The following CPNE9 variants were observed in gnomAD, a reference collection of about 807,000 sequenced individuals.
The protein encoded by CPNE9 is copine family member 9.
CPNE9 carries 59 observed loss-of-function variants against 83.0 expected under a neutral mutation model. The ratio of observed to expected loss-of-function variants is 0.71; its 90% CI spans 0.58 to 0.88. The LOEUF (loss-of-function observed/expected upper bound fraction) is 0.88, where lower values mean the gene tolerates loss of function less well. Among genes scored for constraint, CPNE9 ranks in the 40% least tolerant of loss-of-function variants. CPNE9 has a pLI of 0.00. For synonymous variants in CPNE9, 256 were observed against 273.4 expected (o/e 0.94, Z 0.63); for missense variants, 619 against 720.8 (o/e 0.86, Z 1.62).
intron 17 of CPNE9, 93 bp downstream of exon 17, chr3:9,718,695 G>A: frequency 6.7e-7 from 1 of 1,489,052 alleles, no homozygotes; most frequent in Non-Finnish European, 9.1e-7. Flanking sequence ...AAGTAATTTA[G>A]GATGATTTGA....
intron 6 of CPNE9, 102 bp from the exon 7 acceptor site, chr3:9,705,885 C>T (rs1316599140): frequency 1.4e-5 from 19 of 1,406,658 alleles, no homozygotes; most frequent in Admixed American, 1.8e-5. Flanking sequence ...ACCACTCATT[C>T]GCCTGGGAAC....
chr3:9,714,874 A>C (rs1172943671), intron 10 of CPNE9, 40 bp from the exon 11 acceptor site: 2 of 1,563,908 alleles, frequency 1.3e-6, no homozygotes, highest in Non-Finnish European at 1.8e-6. Flanking sequence ...TCTGGGATTT[A>C]TCATACACAC....
chr3:9,726,757 G>C, intron 19 of CPNE9, 35 bp downstream of exon 19: 1 of 1,591,602 alleles, frequency 6.3e-7, no homozygotes, highest in Non-Finnish European at 8.6e-7. Flanking sequence ...GTGGGACTAA[G>C]AACTAAGGAG....
At chr3:9,715,218 T>C in intron 11 of CPNE9, 71 bp from the exon 12 acceptor site, 1 of 1,526,136 alleles carries the variant, frequency 6.6e-7, no homozygotes, top group Admixed American at 1.7e-5. Context: ...ATAGGAGGAA[T>C]AAAAGACTGG....
Position 9,709,553 on chromosome 3 carries a change from A to G in CPNE9, c.378-2988A>G, listed in dbSNP as rs995330379. On this transcript the variant is annotated intron_variant, in intron 7 of 20. Transcript: ENST00000383832. ...CCAGCCAATTTTTGTAGTTTTTAGTAGAGACGGGGTTTCGCCACCGTGGCC... is the reference window on the plus strand; with the variant it reads ...CCAGCCAATTTTTGTAGTTTTTAGTGGAGACGGGGTTTCGCCACCGTGGCC... Among the ~76,000 whole-genome samples the G allele has an allele frequency of 6.6e-5, 10 of 151,558 alleles. No homozygotes were observed. The South Asian group carries it at 2.1e-3, about 32-fold the overall frequency.
intron 7 of CPNE9, among the ~76,000 whole-genome samples, chr3:9,710,452 G>A (rs1408239838): frequency 3.9e-5 from 6 of 152,184 alleles, no homozygotes; most frequent in Non-Finnish European, 5.9e-5. Context: ...CAAGGTCATT[G>A]GCTGAGAATG....
rs770699340 is a variant in CPNE9 at position 9,714,904 on chromosome 3, T to G, written c.651-10T>G. ...ACACACCTAGGGTATGTTTATCTCC[T>G]ACATTTCAGAACGGTGAAGATTGAT... On this transcript the variant is annotated splice_polypyrimidine_tract_variant and intron_variant, in intron 10 of 20. Transcript: ENST00000383832. 1 of 1,613,158 alleles carries G rather than the reference T, an allele frequency of 6.2e-7. No homozygotes were observed.
Position 9,704,782 on chromosome 3 carries a change from A to G in CPNE9, c.143A>G (p.Gln48Arg), listed in dbSNP as rs1479764121. ...VVLYTQSRAS[Q>R]EWREFGRTEV... ...CTTTACACGCAGAGCCGGGCCAGCC[A>G]GGAGTGGCGGGAGGTGAGTCCCAGA... Residue 48 changes from glutamine to arginine, a missense_variant, in exon 3 of 21, where the codon CAG becomes CGG. By Grantham distance (43) the Gln-to-Arg change is conservative. Transcript: ENST00000383832. The surrounding 1 kb of genome is among the most constrained non-coding windows in gnomAD (Gnocchi z 7.1). 6.2e-7 allele frequency: 1 copy of G among 1,611,018 alleles called. No individual in the cohort carries two copies. The highest frequency in any genetic ancestry group is 1.3e-5 in the African/African-American group (1 of 74,756).
Position 9,713,032 on chromosome 3 carries a change from G to A in CPNE9, c.603G>A (p.Gln201=), listed in dbSNP as rs757812463. Reference sequence around the variant, plus strand: ...AAAACACGCTGAATCCTGTGTGGCAGCCCTTCAGCATCCCTGTGCGGGCTC... The same window carrying A: ...AAAACACGCTGAATCCTGTGTGGCAACCCTTCAGCATCCCTGTGCGGGCTC... The part of the protein sequence containing the change: ...VVKNTLNPVW[Q]PFSIPVRALC... Residue 201 remains glutamine, a synonymous_variant, in exon 10 of 21, where the codon CAG becomes CAA. Transcript: ENST00000383832. 1.3e-5 allele frequency: 21 copies of A among 1,614,110 alleles called. No individual in the cohort carries two copies. The highest frequency in any genetic ancestry group is 1.4e-5 in the Non-Finnish European group (17 of 1,180,046).
intron 7 of CPNE9, among the ~76,000 whole-genome samples, chr3:9,709,450 C>G (rs375833061): frequency 6.7e-6 from 1 of 148,418 alleles, no homozygotes; most frequent in Non-Finnish European, 1.5e-5. Context: ...CCCACTGCAA[C>G]CTCTGCTGCC....
chr3:9,715,638 G>C, intron 13 of CPNE9, 112 bp downstream of exon 13: 1 of 911,448 alleles, frequency 1.1e-6, no homozygotes, highest in Non-Finnish European at 1.8e-6. Flanking sequence ...AGATTACTTG[G>C]AATAGTAATA....
chr3:9,707,410 G>C (rs552410680), intron 7 of CPNE9, among the ~76,000 whole-genome samples: 58 of 148,388 alleles, frequency 3.9e-4, no homozygotes, highest in Non-Finnish European at 7.0e-4. Context: ...TAGAAGCAGA[G>C]AGCCAATGAG....
chr3:9,715,434 CCTTT>C (rs767146313), intron 12 of CPNE9, 35 bp from the exon 13 acceptor site: 14 of 1,612,712 alleles, frequency 8.7e-6, no homozygotes, highest in South Asian at 2.2e-5. Context: ...GACCTCCCTT[CCTTT>C]GTTTCTCATC....
chr3:9,712,033 C>CG (rs1462028367), intron 7 of CPNE9, among the ~76,000 whole-genome samples: 1 of 152,144 alleles, frequency 6.6e-6, no homozygotes, highest in Non-Finnish European at 1.5e-5. Context: ...CTAGCAGAGC[C>CG]GGAGAGAGCC....
intron 7 of CPNE9, among the ~76,000 whole-genome samples, chr3:9,708,475 G>A (rs749600819): frequency 6.6e-6 from 1 of 152,226 alleles, no homozygotes; most frequent in Non-Finnish European, 1.5e-5. Context: ...TTATCAAGAA[G>A]GAGAGAGTTA....
chr3:9,715,379 C>T lies in CPNE9; in HGVS notation c.768+15C>T. Reference sequence around the variant, plus strand: ...CAGTATATGAGGTGAGCATTCCAGCCCTGCCCAGGTCACCCAGGCCCTCCA... The same window carrying T: ...CAGTATATGAGGTGAGCATTCCAGCTCTGCCCAGGTCACCCAGGCCCTCCA... On this transcript the variant is annotated intron_variant, in intron 12 of 20. Coordinates refer to ENST00000383832, the MANE Select transcript of CPNE9 (RefSeq NM_153635.3). The T allele has an allele frequency of 6.2e-7, 1 of 1,614,126 alleles. No individual in the cohort carries two copies. The highest frequency in any genetic ancestry group is 8.5e-7 in the Non-Finnish European group (1 of 1,179,934).
intron 20 of CPNE9, chr3:9,727,463 T>C: frequency 2.8e-6 from 2 of 714,978 alleles, no homozygotes; most frequent in Non-Finnish European, 5.2e-6. Flanking sequence ...TCTCATTAGA[T>C]TGTGATAAGT....
chr3:9,718,381 G>C, intron 16 of CPNE9, 94 bp from the exon 17 acceptor site: 3 of 1,514,018 alleles, frequency 2.0e-6, no homozygotes, highest in Non-Finnish European at 2.7e-6. Context: ...AGCATGAAAG[G>C]GACTGATGGA....
chr3:9,716,034 G>C lies in CPNE9; in HGVS notation c.883G>C (p.Gly295Arg). Reference protein sequence around the residue: ...EFTFVDYIKGGTQLNFTVAID... With the variant: ...EFTFVDYIKGRTQLNFTVAID... ...CACTTTTGTTGATTACATCAAGGGAGGGTGAGTCACAGGCCAAGCTCTGGG... is the reference window on the plus strand; with the variant it reads ...CACTTTTGTTGATTACATCAAGGGACGGTGAGTCACAGGCCAAGCTCTGGG... The change falls in exon 14 of 21, where the codon GGG becomes CGG. Residue 295 changes from glycine to arginine, a missense_variant and splice_region_variant. This residue lies in a region of CPNE9 where 438 missense variants were observed against 562.9 expected (regional missense o/e 0.78). Coordinates refer to ENST00000383832, the MANE Select transcript of CPNE9 (RefSeq NM_153635.3). 6.2e-7 allele frequency: 1 copy of C among 1,608,248 alleles called. No individual in the cohort carries two copies. Among genetic ancestry groups the C allele is most frequent in the Non-Finnish European group, 8.5e-7 (1 of 1,177,024 alleles).
Sources: allele counts gnomAD v4.1 joint callset (sites outside exome capture counted in the v4.1 genomes callset), GRCh38; gene constraint gnomAD v4.1.1; regional missense constraint gnomAD v4.1.1; non-coding constraint Gnocchi (gnomAD v3.1); transcripts MANE v1.5; gene names NCBI Gene and HGNC (gene_info 2026-07-23, HGNC 2026-07-21).